MACROD2: variants seen among roughly 807,000 people sequenced by gnomAD.
The protein encoded by MACROD2 is mono-ADP ribosylhydrolase 2.
A neutral mutation model predicts 70.4 loss-of-function variants in MACROD2; 36 were observed. The observed-to-expected ratio is 0.51, with a 90% CI of 0.39 to 0.68. The LOEUF (loss-of-function observed/expected upper bound fraction) is 0.68, where lower values mean the gene tolerates loss of function less well. MACROD2 is among the 30% of genes least tolerant of loss of function. The pLI, the probability that MACROD2 is intolerant of heterozygous loss-of-function variation, is 0.00. For synonymous variants in MACROD2, 172 were observed against 178.8 expected (o/e 0.96, Z 0.30); for missense variants, 496 against 538.4 (o/e 0.92, Z 0.78).
At chr20:15,752,311 A>ATTC (rs2051285154) in intron 8 of MACROD2, among the ~76,000 whole-genome samples, 1 of 151,978 alleles carries the variant, frequency 6.6e-6, no homozygotes, top group Non-Finnish European at 1.5e-5. Context: ...TATTATTATT[A>ATTC]TTATTTTGCA....
chr20:14,503,250 G>A (rs996298870), intron 4 of MACROD2, among the ~76,000 whole-genome samples: 22 of 152,254 alleles, frequency 1.4e-4, no homozygotes, highest in African/African-American at 5.3e-4. Flanking sequence ...GAGTACACAA[G>A]GGAAGGGTGG....
intron 3 of MACROD2, among the ~76,000 whole-genome samples, chr20:14,490,669 T>C (rs2123099392): frequency 6.6e-6 from 1 of 152,288 alleles, no homozygotes; most frequent in African/African-American, 2.4e-5. Context: ...TTTCTTCTTT[T>C]CCTTTTTCTG....
chr20:15,605,749 A>C (rs1600658725), intron 8 of MACROD2, among the ~76,000 whole-genome samples: 1 of 152,320 alleles, frequency 6.6e-6, no homozygotes, highest in South Asian at 2.1e-4. Flanking sequence ...GGTGTGTCTT[A>C]GTCCATATTT....
rs536681922 is a variant in MACROD2 at position 15,957,155 on chromosome 20, G to T, written c.908-10398G>T. ...AGTGAGGGTAGTGGCTGGAAAGGAGGATAATGGGTAGAAAGGAGGAAAATG... is the reference window on the plus strand; with the variant it reads ...AGTGAGGGTAGTGGCTGGAAAGGAGTATAATGGGTAGAAAGGAGGAAAATG... On this transcript the variant is annotated intron_variant, in intron 12 of 17. Transcript: ENST00000684519. 4.6e-5 allele frequency among the ~76,000 whole-genome samples: 7 copies of T among 152,122 alleles called. No individual in the cohort carries two copies. The East Asian group carries it at 1.2e-3, about 25-fold the overall frequency.
chr20:15,768,625 C>T (rs942444842), intron 8 of MACROD2, among the ~76,000 whole-genome samples: 3 of 152,186 alleles, frequency 2.0e-5, no homozygotes, highest in East Asian at 3.9e-4. Flanking sequence ...ATTTTTCTTT[C>T]TTCAATAATA....
At chr20:15,457,634 TTTG>T (rs1451921966) in intron 7 of MACROD2, among the ~76,000 whole-genome samples, 2 of 152,178 alleles carry the variant, frequency 1.3e-5, no homozygotes, top group Non-Finnish European at 2.9e-5. Flanking sequence ...GTTGGCAGAA[TTTG>T]TTACCAAATT....
chr20:14,393,110 G>T (rs1167157464), intron 3 of MACROD2, among the ~76,000 whole-genome samples: 1 of 152,140 alleles, frequency 6.6e-6, no homozygotes, highest in Admixed American at 6.5e-5. Context: ...ATAAGAGAGA[G>T]ATTATCATTA....
chr20:14,931,254 T>G (rs2074293270), intron 5 of MACROD2, among the ~76,000 whole-genome samples: 1 of 152,094 alleles, frequency 6.6e-6, no homozygotes, highest in African/African-American at 2.4e-5. Flanking sequence ...ATAGAAGACT[T>G]ATATACAGAG....
chr20:15,447,391 C>T (rs899876506), intron 7 of MACROD2, among the ~76,000 whole-genome samples: 1 of 152,178 alleles, frequency 6.6e-6, no homozygotes, highest in African/African-American at 2.4e-5. Context: ...CTCCTCTTCA[C>T]ACTACCAACT....
intron 4 of MACROD2, among the ~76,000 whole-genome samples, chr20:14,581,954 A>G (rs1981050028): frequency 6.6e-6 from 1 of 152,148 alleles, no homozygotes; most frequent in Non-Finnish European, 1.5e-5. Context: ...TTCTGAAGTT[A>G]TTCTACACAT....
chr20:15,906,474 C>T (rs2065148560), intron 10 of MACROD2, among the ~76,000 whole-genome samples: 1 of 152,136 alleles, frequency 6.6e-6, no homozygotes, highest in Non-Finnish European at 1.5e-5. Flanking sequence ...ACAAATTGGG[C>T]ATTCATCCTG....
At position 16,051,263 on chromosome 20, in the gene MACROD2, G is replaced by T. The variant is rs533393209; in HGVS notation, c.*1387G>T. 4.6e-5 allele frequency: 7 copies of T among 152,184 alleles called. No individual in the cohort carries two copies. Among genetic ancestry groups the T allele is most frequent in the Non-Finnish European group, 7.3e-5 (5 of 68,042 alleles). 9.4% of individuals were successfully genotyped at this position (152,184 alleles called of 1,614,324 possible). ...TTACTTATATTGTTTTTCCTTAACA[G>T]AGGGAGAAAAATAGTGGATTATTAT... On this transcript the variant is annotated 3_prime_UTR_variant, in exon 18 of 18. Transcript: ENST00000684519.
intron 5 of MACROD2, among the ~76,000 whole-genome samples, chr20:15,041,941 CAT>C (rs1403622740): frequency 2.6e-5 from 4 of 152,026 alleles, no homozygotes; most frequent in African/African-American, 9.7e-5. Context: ...GATGGAAAAA[CAT>C]ATGGTGATGA....
At chr20:14,909,575 A>G (rs998146126) in intron 5 of MACROD2, among the ~76,000 whole-genome samples, 3 of 152,070 alleles carry the variant, frequency 2.0e-5, no homozygotes, top group Non-Finnish European at 4.4e-5. Flanking sequence ...GAGATAACCT[A>G]TATAAGCCAC....
At chr20:14,483,424 G>T (rs1427294232) in intron 3 of MACROD2, among the ~76,000 whole-genome samples, 4 of 147,278 alleles carry the variant, frequency 2.7e-5, no homozygotes, top group African/African-American at 7.6e-5. Context: ...ATTTTTTTTT[G>T]AGACGGAGTT....
intron 8 of MACROD2, among the ~76,000 whole-genome samples, chr20:15,602,953 TCTATC>T (rs1463972306): frequency 6.6e-6 from 1 of 150,544 alleles, no homozygotes; most frequent in African/African-American, 2.5e-5. Context: ...AAAAAAAAAA[TCTATC>T]CTATTTCTTG....
chr20:14,139,860 C>T (rs1353372953), intron 3 of MACROD2, among the ~76,000 whole-genome samples: 1 of 152,136 alleles, frequency 6.6e-6, no homozygotes, highest in East Asian at 1.9e-4. Flanking sequence ...TCACATCTGA[C>T]TTCATGTGAA....
chr20:15,633,966 A>G (rs1345241656), intron 8 of MACROD2, among the ~76,000 whole-genome samples: 1 of 152,160 alleles, frequency 6.6e-6, no homozygotes, highest in Admixed American at 6.5e-5. Flanking sequence ...GTTTCACTTT[A>G]TCTGTTTATG....
chr20:14,006,255 G>A (rs2052818609), intron 2 of MACROD2, among the ~76,000 whole-genome samples: 1 of 152,034 alleles, frequency 6.6e-6, no homozygotes, highest in Non-Finnish European at 1.5e-5. Flanking sequence ...ACCTAACAAC[G>A]CCTTTCTCAG....
Sources: allele counts gnomAD v4.1 joint callset (sites outside exome capture counted in the v4.1 genomes callset), GRCh38; gene constraint gnomAD v4.1.1; transcripts MANE v1.5; gene names NCBI Gene and HGNC (gene_info 2026-07-23, HGNC 2026-07-21).